Variants in NDUFAF5 observed in about 807,000 individuals in gnomAD.
NDUFAF5 encodes the protein NADH:ubiquinone oxidoreductase complex assembly factor 5.
In NDUFAF5, 34 loss-of-function variants were observed where a neutral mutation model predicts 48.9. The ratio of observed to expected loss-of-function variants is 0.70; its 90% CI spans 0.53 to 0.93. The LOEUF (loss-of-function observed/expected upper bound fraction) is 0.93, where lower values mean the gene tolerates loss of function less well. NDUFAF5 is among the 40% of genes least tolerant of loss of function. The pLI, the probability that NDUFAF5 is intolerant of heterozygous loss-of-function variation, is 0.00. For synonymous variants in NDUFAF5, 153 were observed against 150.6 expected (o/e 1.02, Z -0.12); for missense variants, 428 against 427.5 (o/e 1.00, Z -0.01).
intron 8 of NDUFAF5, among the ~76,000 whole-genome samples, chr20:13,812,427 G>A (rs1454112983): frequency 1.3e-5 from 2 of 152,054 alleles, no homozygotes; most frequent in East Asian, 3.9e-4. Flanking sequence ...GAGAGATGAT[G>A]GTGGGCTGAT....
At chr20:13,802,818 A>G (rs1055252174) in intron 7 of NDUFAF5, among the ~76,000 whole-genome samples, 1 of 152,086 alleles carries the variant, frequency 6.6e-6, no homozygotes, top group Non-Finnish European at 1.5e-5. Context: ...GCATTTTTCT[A>G]GAACTAGGCT....
At chr20:13,806,563 A>C (rs1234257938) in intron 7 of NDUFAF5, among the ~76,000 whole-genome samples, 6 of 152,192 alleles carry the variant, frequency 3.9e-5, no homozygotes, top group Non-Finnish European at 7.4e-5. Flanking sequence ...CTTTTAATTT[A>C]AATAAGGCCT....
chr20:13,791,412 A>G (rs528013474), intron 3 of NDUFAF5, among the ~76,000 whole-genome samples: 396 of 152,338 alleles, frequency 2.6e-3, no homozygotes, highest in Non-Finnish European at 3.7e-3. Flanking sequence ...TAAACCTGTC[A>G]AAGGAGGCTA....
intron 8 of NDUFAF5, 47 bp downstream of exon 8, chr20:13,808,949 CAAA>C (rs765610322): frequency 4.7e-6 from 6 of 1,287,898 alleles, no homozygotes; most frequent in Non-Finnish European, 5.6e-6. Flanking sequence ...AAAGGTAGGC[CAAA>C]AAAAAAGAAT....
rs1986878424 is a variant in NDUFAF5, at chr20:13,820,094, C to G, written c.*2884C>G. 1 of 152,158 alleles carries G rather than the reference C, an allele frequency of 6.6e-6. No individual in the cohort carries two copies. The allele number at this position is 152,158 out of a possible 1,614,324, so 9.4% of individuals were successfully genotyped here. ...GCACACCGTGACACCTGTTGGCTGC[C>G]AGGAGACTGTTTGGCTTATTTCCTG... On this transcript the variant is annotated 3_prime_UTR_variant, in exon 11 of 11. Coordinates refer to ENST00000378106, the MANE Select transcript of NDUFAF5 (RefSeq NM_024120.5).
chr20:13,785,347 C>T, intron 1 of NDUFAF5, 57 bp downstream of exon 1: 2 of 1,355,748 alleles, frequency 1.5e-6, no homozygotes, highest in Non-Finnish European at 1.0e-6. Context: ...TTGTTTTCCT[C>T]TCCGCTAGTT....
rs148927289 is a variant in NDUFAF5 at position 13,803,480 on chromosome 20, G to A, written c.717+1797G>A. ...GTATAAGTAACACAAATATATTTTG[G>A]TTGTAACTATTAAGCTATACAGATA... is the stretch of plus-strand genomic sequence containing the variant. On this transcript the variant is annotated intron_variant, in intron 7 of 10. Coordinates refer to ENST00000378106, the MANE Select transcript of NDUFAF5 (RefSeq NM_024120.5). 24 of 152,238 alleles carry A rather than the reference G, an allele frequency of 1.6e-4. No individual in the cohort carries two copies. The East Asian group carries it at 4.6e-3, about 29-fold the overall frequency. 9.4% of individuals were successfully genotyped at this position (152,238 alleles called of 1,614,324 possible). A position where few individuals can be genotyped will look rare whatever the true frequency, so the allele number is the denominator to read the frequency against.
intron 6 of NDUFAF5, among the ~76,000 whole-genome samples, chr20:13,799,764 A>G (rs1266090239): frequency 6.6e-6 from 1 of 151,964 alleles, no homozygotes; most frequent in East Asian, 1.9e-4. Context: ...AGACTGTTTC[A>G]GTGGTCCAAG....
chr20:13,812,552 T>C (rs1012120278), intron 8 of NDUFAF5, among the ~76,000 whole-genome samples: 3 of 152,206 alleles, frequency 2.0e-5, no homozygotes, highest in African/African-American at 7.2e-5. Flanking sequence ...AGAAACATAC[T>C]AGAAATTAGA....
Position 13,816,453 on chromosome 20 carries a change from GTAT to G in NDUFAF5, c.779-8_779-6del. On this transcript the variant is annotated splice_polypyrimidine_tract_variant and splice_region_variant and intron_variant, in intron 8 of 10. Coordinates refer to ENST00000378106, the MANE Select transcript of NDUFAF5 (RefSeq NM_024120.5). ...TGTATTATCTCAAACTACCTGTAGT[GTAT>G]TTGTAGGTATGGGTGAGAGTAACTG... The G allele has an allele frequency of 6.2e-7, 1 of 1,602,458 alleles. No homozygotes were observed. The highest frequency in any genetic ancestry group is 2.2e-5 in the East Asian group (1 of 44,836).
At chr20:13,816,704 C>A in intron 9 of NDUFAF5, 158 bp downstream of exon 9, 15 of 768,344 alleles carry the variant, frequency 2.0e-5, no homozygotes, top group Non-Finnish European at 2.3e-6. Flanking sequence ...TTTTTCCAGA[C>A]AGCCTTTACT....
rs1165710253 is a variant in NDUFAF5 at position 13,820,137 on chromosome 20, A to T, written c.*2927A>T. The T allele has an allele frequency of 3.3e-5, 5 of 152,310 alleles. No individual in the cohort carries two copies. The highest frequency in any genetic ancestry group is 2.0e-4 in the Admixed American group (3 of 15,306). The allele number at this position is 152,310 out of a possible 1,614,324, so 9.4% of individuals were successfully genotyped here. A position where few individuals can be genotyped will look rare whatever the true frequency, so the allele number is the denominator to read the frequency against. ...ATTTCCTGGTTCTTAGCAATATTCCAGGTTGGCCTGGAGAATTCCAAAGGT... is the reference window on the plus strand; with the variant it reads ...ATTTCCTGGTTCTTAGCAATATTCCTGGTTGGCCTGGAGAATTCCAAAGGT... On this transcript the variant is annotated 3_prime_UTR_variant, in exon 11 of 11. Transcript: ENST00000378106.
chr20:13,812,386 G>T (rs2147611213), intron 8 of NDUFAF5, among the ~76,000 whole-genome samples: 1 of 152,320 alleles, frequency 6.6e-6, no homozygotes, highest in East Asian at 1.9e-4. Flanking sequence ...CTTACCTGAT[G>T]TAATCAAGGA....
Position 13,802,907 on chromosome 20 carries a change from T to A in NDUFAF5, c.717+1224T>A, listed in dbSNP as rs142552077. On this transcript the variant is annotated intron_variant, in intron 7 of 10. Coordinates refer to ENST00000378106, the MANE Select transcript of NDUFAF5 (RefSeq NM_024120.5). The stretch of plus-strand genomic sequence containing the variant: ...TAACAGTCTTTCTAAAGGATGTCAT[T>A]ACTCTCTTCAGAGATCAGTCCAGTA... 3.1e-3 allele frequency among the ~76,000 whole-genome samples: 478 copies of A among 152,268 alleles called. 3 individuals are homozygous for A. The highest frequency in any genetic ancestry group is 0.01 in the African/African-American group (424 of 41,544).
intron 7 of NDUFAF5, among the ~76,000 whole-genome samples, chr20:13,807,948 T>TAA (rs11349642): frequency 6.8e-6 from 1 of 148,098 alleles, no homozygotes; most frequent in Non-Finnish European, 1.5e-5. Flanking sequence ...GAATCCGTCT[T>TAA]AAAAAAAAAA....
chr20:13,794,964 A>G (rs776632247), intron 5 of NDUFAF5, 23 bp downstream of exon 5: 4 of 1,471,420 alleles, frequency 2.7e-6, no homozygotes, highest in Non-Finnish European at 3.8e-6. Context: ...CTTTTTAAAA[A>G]CCATATGTTA....
intron 3 of NDUFAF5, among the ~76,000 whole-genome samples, chr20:13,791,273 T>TTG (rs1478581067): frequency 1.1e-4 from 17 of 152,228 alleles, no homozygotes; most frequent in Non-Finnish European, 2.1e-4. Context: ...GGCTTCAAAC[T>TTG]TCAGCTCTGC....
At chr20:13,792,979 G>A (rs1279818610) in intron 3 of NDUFAF5, among the ~76,000 whole-genome samples, 1 of 152,158 alleles carries the variant, frequency 6.6e-6, no homozygotes, top group Non-Finnish European at 1.5e-5. Flanking sequence ...GCATACTCAT[G>A]TTCTCTATTT....
At chr20:13,794,537 C>A (rs923934770) in intron 4 of NDUFAF5, among the ~76,000 whole-genome samples, 3 of 152,180 alleles carry the variant, frequency 2.0e-5, no homozygotes, top group Non-Finnish European at 2.9e-5. Context: ...CCTTGGCATC[C>A]CAAAGTGCAG....
Sources: gnomAD v4.1 joint callset for allele counts (sites outside exome capture counted in the v4.1 genomes callset) on GRCh38, gnomAD v4.1.1 for gene constraint, MANE v1.5 for transcripts, NCBI Gene and HGNC (gene_info 2026-07-23, HGNC 2026-07-21) for gene names.